The following ATP11B variants were observed in gnomAD, a reference collection of about 807,000 sequenced individuals.
The protein encoded by ATP11B is phospholipid-transporting ATPase IF.
In ATP11B, 81 loss-of-function variants were observed where a neutral mutation model predicts 157.8. That is an observed-to-expected ratio of 0.51 (90% CI 0.43 to 0.62). The LOEUF (loss-of-function observed/expected upper bound fraction) is 0.62, where lower values mean the gene tolerates loss of function less well. ATP11B is among the 20% of genes least tolerant of loss of function. The pLI is 0.00. For synonymous variants in ATP11B, 451 were observed against 469.4 expected (o/e 0.96, Z 0.51); for missense variants, 1,165 against 1,402.2 (o/e 0.83, Z 2.70).
chr3:182,912,514 A>G (rs535240464), intron 28 of ATP11B, among the ~76,000 whole-genome samples: 1 of 152,028 alleles, frequency 6.6e-6, no homozygotes, highest in Non-Finnish European at 1.5e-5. Flanking sequence ...TGTGCCCTAA[A>G]CAATTCTAAA....
In ATP11B at chr3:182,874,001, G is replaced by T. The variant is rs763706178; in HGVS notation, c.2238G>T (p.Arg746Ser). Residue 746 changes from arginine to serine, a missense_variant, in exon 19 of 30, where the codon AGG (arginine) becomes AGT (serine). Arg to Ser is a moderately radical substitution (Grantham distance 110, BLOSUM62 -1). Coordinates refer to ENST00000323116, the MANE Select transcript of ATP11B (RefSeq NM_014616.3). ...KSDSECAEQL[R>S]QLARRITEDH... ...ACAGCGAGTGTGCTGAACAATTGAG[G>T]CAGCTTGCCAGAAGGTAAGAATATA... The T allele has an allele frequency of 6.2e-7, 1 of 1,613,842 alleles. No individual in the cohort carries two copies. Among genetic ancestry groups the T allele is most frequent in the South Asian group, 1.1e-5 (1 of 91,064 alleles).
chr3:182,814,510 A>G (rs1252488385), intron 1 of ATP11B, among the ~76,000 whole-genome samples: 1 of 152,224 alleles, frequency 6.6e-6, no homozygotes, highest in Non-Finnish European at 1.5e-5. Flanking sequence ...GCTGCCCTTA[A>G]GAATTTTACA....
intron 27 of ATP11B, among the ~76,000 whole-genome samples, chr3:182,898,165 T>C (rs1723693009): frequency 6.6e-6 from 1 of 152,156 alleles, no homozygotes; most frequent in African/African-American, 2.4e-5. Flanking sequence ...AAAGAATATC[T>C]TTATAACACT....
intron 28 of ATP11B, among the ~76,000 whole-genome samples, chr3:182,899,171 T>TC (rs1250652717): frequency 1.7e-5 from 2 of 120,266 alleles, no homozygotes; most frequent in Non-Finnish European, 3.4e-5. Context: ...TTTTTTTTTT[T>TC]CCGAGACGGA....
chr3:182,897,271 A>T, intron 26 of ATP11B, 32 bp from the exon 27 acceptor site: 1 of 1,231,776 alleles, frequency 8.1e-7, no homozygotes, highest in Non-Finnish European at 1.1e-6. Context: ...TTATTTGTTT[A>T]TATTTCTAAG....
At chr3:182,862,290 A>AG (rs1487738069) in intron 12 of ATP11B, among the ~76,000 whole-genome samples, 1 of 152,000 alleles carries the variant, frequency 6.6e-6, no homozygotes, top group Admixed American at 6.5e-5. Flanking sequence ...AAAAAAAAAA[A>AG]ACAAAAAAAA....
At chr3:182,909,522 A>C (rs78503929) in intron 28 of ATP11B, among the ~76,000 whole-genome samples, 3,063 of 152,226 alleles carry the variant, frequency 0.02, 37 homozygotes, top group Middle Eastern at 0.041. Flanking sequence ...GATTTCCCCC[A>C]AAAATGTAAT....
In ATP11B at chr3:182,841,998, CAAAG is replaced by C. The variant is rs1719083899; in HGVS notation, c.657-76_657-73del. 4.5e-5 allele frequency: 17 copies of C among 377,832 alleles called. No individual in the cohort carries two copies. The South Asian group carries it at 6.4e-4, about 14-fold the overall frequency. The allele number at this position is 377,832 out of a possible 1,614,324, so 23.4% of individuals were successfully genotyped here. A position where few individuals can be genotyped will look rare whatever the true frequency, so the allele number is the denominator to read the frequency against. On this transcript the variant is annotated intron_variant, in intron 7 of 29. Transcript: ENST00000323116. ...GTCTCAAAAAAAAAAAAAAAAAAAA[CAAAG>C]GATGGTGCAAAAAAACAGCCATTGA...
At chr3:182,845,906 TCATA>T (rs769118594) in intron 9 of ATP11B, among the ~76,000 whole-genome samples, 9 of 152,240 alleles carry the variant, frequency 5.9e-5, no homozygotes, top group Admixed American at 4.6e-4. Context: ...ATTTATCCAT[TCATA>T]CATTCATTCA....
At chr3:182,795,538 A>G (rs987080056) in intron 1 of ATP11B, among the ~76,000 whole-genome samples, 1 of 152,210 alleles carries the variant, frequency 6.6e-6, no homozygotes, top group Non-Finnish European at 1.5e-5. Flanking sequence ...GTTATTTTAC[A>G]AGGCAGCCGT....
chr3:182,837,994 A>G lies in ATP11B; in HGVS notation c.656+820A>G, dbSNP rs1718683842. Among the ~76,000 whole-genome samples the G allele has an allele frequency of 2.0e-5, 3 of 152,082 alleles. No homozygotes were observed. The South Asian group carries it at 6.2e-4, about 31-fold the overall frequency. The stretch of plus-strand genomic sequence containing the variant: ...GGTGGTAGACTATAAATTACAGCAA[A>G]TTTGTAGAAATCACCCTCAGCTTCT... On this transcript the variant is annotated intron_variant, in intron 7 of 29. Coordinates refer to ENST00000323116, the MANE Select transcript of ATP11B (RefSeq NM_014616.3).
intron 1 of ATP11B, among the ~76,000 whole-genome samples, 186 bp downstream of exon 1, chr3:182,793,972 G>T (rs886109725): frequency 6.6e-6 from 1 of 152,010 alleles, no homozygotes; most frequent in East Asian, 1.9e-4. Context: ...GGCTCGTCTC[G>T]CCTCCAAGCC....
intron 3 of ATP11B, among the ~76,000 whole-genome samples, chr3:182,828,893 A>G (rs1431614807): frequency 6.6e-6 from 1 of 152,156 alleles, no homozygotes; most frequent in African/African-American, 2.4e-5. Flanking sequence ...TGGCAATTTC[A>G]GTGTAGCATC....
intron 8 of ATP11B, among the ~76,000 whole-genome samples, chr3:182,842,944 A>G (rs752224091): frequency 6.6e-6 from 1 of 152,212 alleles, no homozygotes; most frequent in Non-Finnish European, 1.5e-5. Flanking sequence ...GAGTAAGGTC[A>G]CTCAGGTTTG....
At chr3:182,820,470 G>A in intron 2 of ATP11B, 94 bp downstream of exon 2, 3 of 862,424 alleles carry the variant, frequency 3.5e-6, no homozygotes, top group Non-Finnish European at 5.7e-6. Flanking sequence ...GATCGGTTAA[G>A]CCCAGGAGTT....
chr3:182,829,973 T>C (rs1294640538), intron 4 of ATP11B: 1 of 984,008 alleles, frequency 1.0e-6, no homozygotes, highest in Non-Finnish European at 1.2e-6. Flanking sequence ...TGTAGTTCCC[T>C]TGACAGAGCT....
intron 1 of ATP11B, among the ~76,000 whole-genome samples, chr3:182,816,333 A>G (rs1716968133): frequency 6.6e-6 from 1 of 152,198 alleles, no homozygotes; most frequent in South Asian, 2.1e-4. Context: ...ATCAGAGAAG[A>G]AAGGAGCAGG....
intron 17 of ATP11B, among the ~76,000 whole-genome samples, 162 bp downstream of exon 17, chr3:182,869,493 A>C (rs979913805): frequency 1.3e-5 from 2 of 152,218 alleles, no homozygotes; most frequent in Admixed American, 6.5e-5. Context: ...CTTTTAACGC[A>C]AGCAAAAATA....
chr3:182,854,348 T>A (rs1720211170), intron 10 of ATP11B, among the ~76,000 whole-genome samples: 1 of 152,000 alleles, frequency 6.6e-6, no homozygotes. Flanking sequence ...TGCATGCTTG[T>A]AATCCCAGCT....
Sources: gnomAD v4.1 joint callset for allele counts (sites outside exome capture counted in the v4.1 genomes callset) on GRCh38, gnomAD v4.1.1 for gene constraint, MANE v1.5 for transcripts, NCBI Gene and HGNC (gene_info 2026-07-23, HGNC 2026-07-21) for gene names.